KIF21A: variants seen among roughly 807,000 people sequenced by gnomAD.
KIF21A encodes the protein kinesin-like protein KIF21A.
KIF21A carries 114 observed loss-of-function variants against 202.9 expected under a neutral mutation model. The ratio of observed to expected loss-of-function variants is 0.56; its 90% CI spans 0.48 to 0.66. KIF21A has a LOEUF of 0.66. KIF21A is among the 30% of genes least tolerant of loss of function. KIF21A has a pLI of 0.00. For missense variants in KIF21A, 1,677 were observed against 1,994.9 expected, an observed-to-expected ratio of 0.84 and a Z score of 3.04; for synonymous variants, 667 against 670.8, an observed-to-expected ratio of 0.99 and a Z score of 0.09.
chr12:39,323,002 T>C (rs1351245526), intron 26 of KIF21A, 120 bp from the exon 27 acceptor site: 1 of 726,342 alleles, frequency 1.4e-6, no homozygotes, highest in East Asian at 2.7e-5. Context: ...TTTTCCTAGG[T>C]GTGCCAAACA....
intron 1 of KIF21A, among the ~76,000 whole-genome samples, chr12:39,422,106 G>A (rs1427034683): frequency 6.6e-6 from 1 of 150,540 alleles, no homozygotes; most frequent in East Asian, 1.9e-4. Context: ...TTACAGGTAC[G>A]TACCACCACA....
chr12:39,336,136 C>T (rs1946943945), intron 17 of KIF21A, among the ~76,000 whole-genome samples: 2 of 152,060 alleles, frequency 1.3e-5, no homozygotes, highest in Non-Finnish European at 2.9e-5. Context: ...TCAGACTAGT[C>T]TAGAACTCCT....
chr12:39,394,658 C>G (rs1951601625), intron 1 of KIF21A, among the ~76,000 whole-genome samples: 1 of 152,168 alleles, frequency 6.6e-6, no homozygotes, highest in South Asian at 2.1e-4. Context: ...AGTAGAAGAG[C>G]TCCCGCACTG....
At chr12:39,320,160 G>A (rs1246448164) in intron 27 of KIF21A, 147 bp from the exon 28 acceptor site, 2 of 599,606 alleles carry the variant, frequency 3.3e-6, no homozygotes, top group African/African-American at 1.9e-5. Flanking sequence ...ACTAACATAG[G>A]AAAATACTAC....
chr12:39,423,409 A>G (rs929487015), intron 1 of KIF21A, among the ~76,000 whole-genome samples: 1 of 151,840 alleles, frequency 6.6e-6, no homozygotes, highest in Admixed American at 6.6e-5. Flanking sequence ...TGCCTCATCC[A>G]CTGATCTCAA....
At chr12:39,332,487 C>CCAAA in intron 20 of KIF21A, 79 bp from the exon 21 acceptor site, 4 of 1,492,840 alleles carry the variant, frequency 2.7e-6, no homozygotes, top group East Asian at 2.3e-5. Context: ...CCCCACCCCC[C>CCAAA]AAAAAAAACT....
chr12:39,337,804 CT>C (rs1352503875), intron 16 of KIF21A, among the ~76,000 whole-genome samples: 1 of 152,118 alleles, frequency 6.6e-6, no homozygotes, highest in African/African-American at 2.4e-5. Flanking sequence ...TTCCTATTGC[CT>C]AGTGATGTAA....
At chr12:39,382,257 A>C (rs1950660659) in intron 1 of KIF21A, among the ~76,000 whole-genome samples, 1 of 152,200 alleles carries the variant, frequency 6.6e-6, no homozygotes, top group Non-Finnish European at 1.5e-5. Context: ...CAGCTCTTAT[A>C]TATTTGTAAG....
intron 1 of KIF21A, among the ~76,000 whole-genome samples, chr12:39,372,386 G>A (rs1248073594): frequency 6.6e-6 from 1 of 152,120 alleles, no homozygotes; most frequent in East Asian, 1.9e-4. Context: ...TCAATGTGGA[G>A]CTGTCCAGGT....
At chr12:39,385,865 G>A (rs927123215) in intron 1 of KIF21A, among the ~76,000 whole-genome samples, 8 of 152,146 alleles carry the variant, frequency 5.3e-5, no homozygotes, top group African/African-American at 1.9e-4. Context: ...AAGGCAAATT[G>A]CAGACCAAAT....
intron 16 of KIF21A, among the ~76,000 whole-genome samples, chr12:39,339,724 A>T (rs892463338): frequency 1.3e-5 from 2 of 152,198 alleles, no homozygotes; most frequent in Non-Finnish European, 2.9e-5. Context: ...AATTATAAAC[A>T]CTAAATTTAA....
intron 1 of KIF21A, among the ~76,000 whole-genome samples, chr12:39,440,619 G>A (rs1222136421): frequency 1.3e-5 from 2 of 152,144 alleles, no homozygotes; most frequent in African/African-American, 4.8e-5. Flanking sequence ...AACAATATAA[G>A]TCCAAACACT....
chr12:39,315,161 C>A, intron 31 of KIF21A, 68 bp downstream of exon 31: 1 of 1,421,794 alleles, frequency 7.0e-7, no homozygotes, highest in South Asian at 1.2e-5. Flanking sequence ...TATTTTTGTT[C>A]CATGCAAACC....
At chr12:39,309,540 A>G in intron 33 of KIF21A, 46 bp downstream of exon 33, 1 of 1,356,618 alleles carries the variant, frequency 7.4e-7, no homozygotes, top group Non-Finnish European at 1.0e-6. Flanking sequence ...AAAAAAAAAA[A>G]GAAGAGCTAT....
intron 1 of KIF21A, among the ~76,000 whole-genome samples, chr12:39,382,608 T>G (rs1950683973): frequency 6.6e-6 from 1 of 152,212 alleles, no homozygotes; most frequent in South Asian, 2.1e-4. Context: ...TAAAATTATT[T>G]TTATAGTGTA....
rs374811842 is a variant in KIF21A, at chr12:39,351,743, A to G, written c.1673+34T>C. 2.7e-5 allele frequency: 34 copies of G among 1,258,348 alleles called. No individual in the cohort carries two copies. The African/African-American group carries it at 5.0e-4, about 19-fold the overall frequency. 77.9% of individuals were successfully genotyped at this position (1,258,348 alleles called of 1,614,324 possible). A position where few individuals can be genotyped will look rare whatever the true frequency, so the allele number is the denominator to read the frequency against. ...AATTAAAATACCCTGAAAAGGAAAT[A>G]GAGATTCATTTAGTGGTGATTTTAT... On this transcript the variant is annotated intron_variant, in intron 11 of 37. Transcript: ENST00000361418.
At position 39,330,261 on chromosome 12, in the gene KIF21A, A is replaced by G. The variant is rs776560736; in HGVS notation, c.3321T>C (p.Asp1107=). 6.2e-7 allele frequency: 1 copy of G among 1,612,328 alleles called. No homozygotes were observed. Among genetic ancestry groups the G allele is most frequent in the South Asian group, 1.1e-5 (1 of 91,022 alleles). Residue 1107 remains aspartate (D), a splice_region_variant and synonymous_variant, in exon 24 of 38, where the codon GAT becomes GAC. Transcript: ENST00000361418. ...ACTTACCTAATGGTACGCTATCTAG[A>G]TCTGTGTAAATAACAGCAAAAAGGA... ...LDALLGHALQ[D]LDSVPLENVE...
At chr12:39,301,371 G>T in intron 37 of KIF21A, 109 bp downstream of exon 37, 1 of 924,316 alleles carries the variant, frequency 1.1e-6, no homozygotes, top group Non-Finnish European at 1.8e-6. Flanking sequence ...ACATTAGAAT[G>T]ATTATAAGAA....
At chr12:39,425,316 G>A (rs1460874562) in intron 1 of KIF21A, among the ~76,000 whole-genome samples, 1 of 152,150 alleles carries the variant, frequency 6.6e-6, no homozygotes, top group African/African-American at 2.4e-5. Flanking sequence ...GCTCACATCT[G>A]TACCCTCAAT....
Sources: gnomAD v4.1 joint callset for allele counts (sites outside exome capture counted in the v4.1 genomes callset) on GRCh38, gnomAD v4.1.1 for gene constraint, MANE v1.5 for transcripts, NCBI Gene and HGNC (gene_info 2026-07-23, HGNC 2026-07-21) for gene names.